Variants in PLA2G5 observed in about 807,000 individuals in gnomAD.
PLA2G5 encodes the protein phospholipase A2 group V.
PLA2G5 carries 12 observed loss-of-function variants against 15.9 expected under a neutral mutation model. The observed-to-expected ratio is 0.76, with a 90% CI of 0.48 to 1.23. PLA2G5 has a LOEUF of 1.23. PLA2G5 is among the 50% of genes most tolerant of loss of function. The pLI is 0.00. For missense variants in PLA2G5, 169 were observed against 177.1 expected (o/e 0.95, Z 0.26); for synonymous variants, 71 against 71.4 (o/e 0.99, Z 0.03).
chr1:20,080,052 C>T (rs576634), intron 1 of PLA2G5, among the ~76,000 whole-genome samples: 3,020 of 152,200 alleles, frequency 0.02, 90 homozygotes, highest in African/African-American at 0.069. Flanking sequence ...AGTCCGGGAG[C>T]GGGGCTGCCT....
At chr1:20,080,507 G>C (rs1364819242) in intron 1 of PLA2G5, among the ~76,000 whole-genome samples, 1 of 152,176 alleles carries the variant, frequency 6.6e-6, no homozygotes, top group East Asian at 1.9e-4. Context: ...GTTTGAACCA[G>C]GGAGGCAGAG....
At chr1:20,044,523 A>G (rs528495129) in intron 1 of PLA2G5, among the ~76,000 whole-genome samples, 8 of 152,222 alleles carry the variant, frequency 5.3e-5, no homozygotes, top group Non-Finnish European at 1.2e-4. Context: ...CAAACAAGCC[A>G]TGGACTGGGT....
At chr1:20,028,984 G>A (rs2012723198) in intron 1 of PLA2G5, among the ~76,000 whole-genome samples, 1 of 152,234 alleles carries the variant, frequency 6.6e-6, no homozygotes, top group Non-Finnish European at 1.5e-5. Flanking sequence ...TGAGGCCCCA[G>A]TGGGCGTGTG....
chr1:20,054,666 TG>T (rs2014348387), intron 1 of PLA2G5: 2 of 152,170 alleles, frequency 1.3e-5, no homozygotes, highest in African/African-American at 4.8e-5. Flanking sequence ...CCTCCATTGT[TG>T]GGATGTACTA....
In PLA2G5 at chr1:20,064,260, GTTC is replaced by G. The variant is rs572514391; in HGVS notation, n.337+4575_337+4577del. On this transcript the variant is annotated intron_variant and non_coding_transcript_variant, in intron 2 of 6. Coordinates refer to the PLA2G5 transcript ENST00000460175. ...GTTAGCATAGTCATAAAATTAGATA[GTTC>G]TTCTTCCTTATTTAGAAAACAGAAT... Among the ~76,000 whole-genome samples the G allele has an allele frequency of 8.8e-4, 134 of 152,274 alleles. 1 individual carries two copies. Among genetic ancestry groups the G allele is most frequent in the African/African-American group, 3.2e-3 (132 of 41,562 alleles).
At chr1:20,084,786 G>T in intron 1 of PLA2G5, 35 bp from the exon 2 acceptor site, 1 of 1,492,692 alleles carries the variant, frequency 6.7e-7, no homozygotes, top group South Asian at 1.1e-5. Context: ...GGCATTGCCT[G>T]ATAGATCTGT....
chr1:20,075,552 G>A (rs890845690), intron 1 of PLA2G5, among the ~76,000 whole-genome samples: 1 of 152,326 alleles, frequency 6.6e-6, no homozygotes, highest in East Asian at 1.9e-4. Context: ...AGTTGCCAGA[G>A]GTCACACAGC....
chr1:20,091,534 TCTTGTTC>T lies in PLA2G5; in HGVS notation c.*847_*853del, dbSNP rs2016558567. On this transcript the variant is annotated 3_prime_UTR_variant, in exon 5 of 5. Coordinates refer to ENST00000375108, the MANE Select transcript of PLA2G5 (RefSeq NM_000929.3). ...TTCAGTCTCTTTGAGAAATAAACTGTCTTGTTCCTTGCAATGTAAAATGAGACTTCTA... is the reference window on the plus strand; with the variant it reads ...TTCAGTCTCTTTGAGAAATAAACTGTCTTGCAATGTAAAATGAGACTTCTA... Among the ~76,000 whole-genome samples, 1 of 152,140 alleles carries T rather than the reference TCTTGTTC, an allele frequency of 6.6e-6. No homozygotes were observed. The highest frequency in any genetic ancestry group is 6.5e-5 in the Admixed American group (1 of 15,278).
At chr1:20,082,092 C>CA (rs1230341954) in intron 1 of PLA2G5, among the ~76,000 whole-genome samples, 1 of 151,796 alleles carries the variant, frequency 6.6e-6, no homozygotes, top group Admixed American at 6.6e-5. Context: ...GAGACTGAGG[C>CA]AAGTTTCACA....
At chr1:20,037,990 C>T (rs760741800) in intron 1 of PLA2G5, among the ~76,000 whole-genome samples, 10 of 152,046 alleles carry the variant, frequency 6.6e-5, no homozygotes, top group African/African-American at 9.7e-5. Flanking sequence ...GGGGATTATG[C>T]ATGCTTTTGC....
upstream of PLA2G5, among the ~76,000 whole-genome samples, chr1:20,067,794 G>A (rs1473720422): frequency 1.3e-5 from 2 of 151,966 alleles, no homozygotes; most frequent in Non-Finnish European, 2.9e-5. Flanking sequence ...CTAAGCATAG[G>A]TGGAAACTTA....
intron 1 of PLA2G5, among the ~76,000 whole-genome samples, chr1:20,030,467 A>G (rs1400212719): frequency 1.3e-5 from 2 of 152,052 alleles, no homozygotes; most frequent in African/African-American, 2.4e-5. Flanking sequence ...CTCAGTAAAT[A>G]TAATGTATGA....
chr1:20,058,988 A>G (rs186180387), intron 1 of PLA2G5, among the ~76,000 whole-genome samples: 95 of 152,098 alleles, frequency 6.2e-4, no homozygotes, highest in African/African-American at 2.0e-3. Context: ...AACCTGGCCA[A>G]CATGGCGAAA....
At chr1:20,080,882 A>G (rs1447699296) in intron 1 of PLA2G5, among the ~76,000 whole-genome samples, 1 of 151,684 alleles carries the variant, frequency 6.6e-6, no homozygotes, top group Non-Finnish European at 1.5e-5. Context: ...ATGAGAGGAG[A>G]CACCTGGCCC....
rs11588078 is a variant in PLA2G5, at chr1:20,029,407, G to T, written n.276+698G>T. Among the ~76,000 whole-genome samples the T allele has an allele frequency of 4.1e-4, 62 of 151,912 alleles. 1 individual carries two copies. The highest frequency in any genetic ancestry group is 1.5e-3 in the African/African-American group (61 of 41,258). On this transcript the variant is annotated intron_variant and non_coding_transcript_variant, in intron 1 of 6. Transcript: ENST00000460175. Reference sequence around the variant, plus strand: ...TGTTCCTCCGCTGATATGTTCCTCCGCTGATATGCTCCTCTCAAGGTCCAG... The same window carrying T: ...TGTTCCTCCGCTGATATGTTCCTCCTCTGATATGCTCCTCTCAAGGTCCAG...
chr1:20,085,989 C>T, intron 2 of PLA2G5, 94 bp from the exon 3 acceptor site: 1 of 1,343,950 alleles, frequency 7.4e-7, no homozygotes, highest in Non-Finnish European at 1.0e-6. Flanking sequence ...CCTCCAAGCC[C>T]TGGGTGGGAG....
At chr1:20,044,647 A>G (rs570309125) in intron 1 of PLA2G5, among the ~76,000 whole-genome samples, 1 of 152,246 alleles carries the variant, frequency 6.6e-6, no homozygotes, top group Admixed American at 6.5e-5. Flanking sequence ...CCACCTCTTT[A>G]AGAGGAAATT....
chr1:20,056,849 G>A (rs775045955), intron 1 of PLA2G5, among the ~76,000 whole-genome samples: 2 of 152,110 alleles, frequency 1.3e-5, no homozygotes, highest in African/African-American at 4.8e-5. Context: ...GGGCCTAATA[G>A]TTTCTATTTT....
intron 1 of PLA2G5, among the ~76,000 whole-genome samples, chr1:20,058,229 G>A (rs1396594134): frequency 6.6e-6 from 1 of 152,140 alleles, no homozygotes; most frequent in African/African-American, 2.4e-5. Flanking sequence ...GGGTGGTTAT[G>A]TCTCCAACTA....
Sources: gnomAD v4.1 joint callset for allele counts (sites outside exome capture counted in the v4.1 genomes callset) on GRCh38, gnomAD v4.1.1 for gene constraint, MANE v1.5 for transcripts, NCBI Gene and HGNC (gene_info 2026-07-23, HGNC 2026-07-21) for gene names.